TANC1: variants seen among roughly 807,000 people sequenced by gnomAD.
TANC1 encodes protein TANC1.
In TANC1, 77 loss-of-function variants were observed where a neutral mutation model predicts 149.7. The ratio of observed to expected loss-of-function variants is 0.51; its 90% CI spans 0.43 to 0.62. TANC1 has a LOEUF of 0.62. Among genes scored for constraint, TANC1 ranks in the 20% least tolerant of loss-of-function variants. The probability of loss-of-function intolerance (pLI) is 0.00; values close to 1 mark genes in which losing one functional copy is unlikely to be tolerated. For synonymous variants in TANC1, 854 were observed against 925.0 expected, an observed-to-expected ratio of 0.92 and a Z score of 1.39; for missense variants, 1,985 against 2,321.8, an observed-to-expected ratio of 0.85 and a Z score of 2.98.
chr2:159,071,775 A>T (rs999840452), intron 3 of TANC1, among the ~76,000 whole-genome samples: 4 of 152,182 alleles, frequency 2.6e-5, no homozygotes, highest in African/African-American at 9.7e-5. Context: ...CTATTTAGGA[A>T]TTTAGTGCAG....
Position 159,196,615 on chromosome 2 carries a change from A to G in TANC1, c.2987A>G (p.His996Arg), listed in dbSNP as rs768772022. The change falls in exon 18 of 27, where the codon CAC becomes CGC. Residue 996 changes from histidine to arginine, a missense_variant. Coordinates refer to ENST00000263635, the MANE Select transcript of TANC1 (RefSeq NM_033394.3). ...CCCTACTCCTGCCCCCAGGTGGACC[A>G]CTTGGATAAGAAGGGCCAGTGTGCG... is the stretch of plus-strand genomic sequence containing the variant. Reference protein sequence around the residue: ...LLTKKGVRVDHLDKKGQCALV... With the variant: ...LLTKKGVRVDRLDKKGQCALV... 5 of 1,598,200 alleles carry G rather than the reference A, an allele frequency of 3.1e-6. No homozygotes were observed. The Admixed American group carries it at 8.7e-5, about 28-fold the overall frequency.
At position 159,187,029 on chromosome 2, in the gene TANC1, G is replaced by T. The variant is rs377444898; in HGVS notation, c.2742+5G>T. On this transcript the variant is annotated splice_donor_5th_base_variant and intron_variant, in intron 16 of 26. Coordinates refer to ENST00000263635, the MANE Select transcript of TANC1 (RefSeq NM_033394.3). ...CTCTATACTCCCAACGTGAAGGTGA[G>T]CAACCTTCTGCACAGAGAGCCGGAG... 1 of 1,613,894 alleles carries T rather than the reference G, an allele frequency of 6.2e-7. No individual in the cohort carries two copies. The highest frequency in any genetic ancestry group is 8.5e-7 in the Non-Finnish European group (1 of 1,179,978).
At chr2:159,115,431 A>G (rs1322984097) in intron 4 of TANC1, among the ~76,000 whole-genome samples, 1 of 152,156 alleles carries the variant, frequency 6.6e-6, no homozygotes, top group Non-Finnish European at 1.5e-5. Context: ...TTGATTTGAA[A>G]AAGTTTTAGG....
chr2:159,083,645 T>C (rs1299088860), intron 3 of TANC1, among the ~76,000 whole-genome samples: 1 of 152,214 alleles, frequency 6.6e-6, no homozygotes, highest in Non-Finnish European at 1.5e-5. Flanking sequence ...GAACGTAATT[T>C]TGATGCTTAA....
At chr2:159,084,077 C>A (rs11675548) in intron 3 of TANC1, among the ~76,000 whole-genome samples, 32,039 of 152,044 alleles carry the variant, frequency 0.21, 3,595 homozygotes, top group South Asian at 0.36. Flanking sequence ...TGGCGAAACC[C>A]CCTCTCCACT....
chr2:159,001,295 C>T lies in TANC1; in HGVS notation c.-16+106C>T, dbSNP rs16843538. On this transcript the variant is annotated intron_variant, in intron 2 of 26. Transcript: ENST00000263635. The surrounding 1 kb of genome is among the most constrained non-coding windows in gnomAD (Gnocchi z 4.3). ...GTTAGAAGAGAGATGGCCTGTAGAA[C>T]GTCCAGTCTTTCCACCTGCCCAGAG... 0.052 allele frequency: 7,905 copies of T among 152,268 alleles called. 650 individuals carry two copies. Among genetic ancestry groups the T allele is most frequent in the African/African-American group, 0.18 (7,334 of 41,486 alleles). The allele number at this position is 152,268 out of a possible 1,614,324, so 9.4% of individuals were successfully genotyped here.
At chr2:159,192,334 A>G (rs1398251929) in intron 16 of TANC1, among the ~76,000 whole-genome samples, 3 of 152,188 alleles carry the variant, frequency 2.0e-5, no homozygotes, top group African/African-American at 7.2e-5. Context: ...TTTTTTATAG[A>G]GACGGGGTCT....
rs199831325 is a variant in TANC1, at chr2:159,178,964, G to A, written c.2311G>A (p.Glu771Lys). Residue 771 changes from glutamate (E) to lysine (K), a missense_variant, in exon 14 of 27, where the codon GAG (glutamate) becomes AAG (lysine). Physicochemically the swap from Glu to Lys is moderately conservative, Grantham distance 56 (BLOSUM62 1). Around this residue, in one of 3 missense-constraint regions of TANC1, gnomAD observed 508 missense variants for 714.2 expected, o/e 0.71. Transcript: ENST00000263635. Reference protein sequence around the residue: ...ALASLHPMTDEQIFQAINAGH... With the variant: ...ALASLHPMTDKQIFQAINAGH... ...CGCATCCCTCCACCCCATGACAGACGAGCAGATCTTTCAGGCTATTAATGC... is the reference window on the plus strand; with the variant it reads ...CGCATCCCTCCACCCCATGACAGACAAGCAGATCTTTCAGGCTATTAATGC... 3.3e-5 allele frequency: 54 copies of A among 1,614,116 alleles called. No homozygotes were observed. The African/African-American group carries it at 4.8e-4, about 14-fold the overall frequency.
intron 4 of TANC1, among the ~76,000 whole-genome samples, chr2:159,133,971 G>A (rs1214740125): frequency 6.6e-6 from 1 of 152,202 alleles, no homozygotes; most frequent in Non-Finnish European, 1.5e-5. Flanking sequence ...TGCTTTTGTA[G>A]TATGCCTTTA....
rs557344819 is a variant in TANC1 at position 158,977,140 on chromosome 2, T to C, written c.-126+8358T>C. ...TGAGCTTCAATACGTTTTTAAAATT[T>C]TTTACTTTTTATTTTTTTAGAGGGA... On this transcript the variant is annotated intron_variant, in intron 1 of 26. Transcript: ENST00000263635. Among the ~76,000 whole-genome samples, 65 of 152,138 alleles carry C rather than the reference T, an allele frequency of 4.3e-4. 1 individual carries two copies. Among genetic ancestry groups the C allele is most frequent in the African/African-American group, 1.5e-3 (62 of 41,528 alleles).
chr2:159,073,204 T>G (rs2043311018), intron 3 of TANC1, among the ~76,000 whole-genome samples: 1 of 152,206 alleles, frequency 6.6e-6, no homozygotes, highest in Admixed American at 6.5e-5. Flanking sequence ...TGGAGGGCCC[T>G]TGTCCCCCGA....
At position 159,091,105 on chromosome 2, in the gene TANC1, C is replaced by T. The variant is rs193197024; in HGVS notation, c.62-6532C>T. 1.4e-3 allele frequency among the ~76,000 whole-genome samples: 219 copies of T among 151,984 alleles called. 3 individuals are homozygous for T. Among genetic ancestry groups the T allele is most frequent in the Non-Finnish European group, 2.5e-3 (168 of 67,972 alleles). On this transcript the variant is annotated intron_variant, in intron 3 of 26. Transcript: ENST00000263635. ...CCTACATATACTATTTTTGGTTTTC[C>T]TTCTTAAGTATGCAAAATGACATAA... is the stretch of plus-strand genomic sequence containing the variant.
chr2:159,215,347 A>G (rs1052062749), intron 19 of TANC1, among the ~76,000 whole-genome samples: 2 of 152,100 alleles, frequency 1.3e-5, no homozygotes, highest in African/African-American at 4.8e-5. Flanking sequence ...GTCGGTAGAG[A>G]CTGTTCAGTA....
At chr2:158,986,713 C>T (rs1268827558) in intron 1 of TANC1, among the ~76,000 whole-genome samples, 1 of 152,124 alleles carries the variant, frequency 6.6e-6, no homozygotes, top group East Asian at 1.9e-4. Context: ...TTTGATAACT[C>T]CTCAAAGAAT....
At chr2:159,214,912 G>T (rs2059248025) in intron 19 of TANC1, among the ~76,000 whole-genome samples, 1 of 152,184 alleles carries the variant, frequency 6.6e-6, no homozygotes, top group Admixed American at 6.5e-5. Context: ...CCATCATCTG[G>T]GTGGTGAGGA....
intron 14 of TANC1, among the ~76,000 whole-genome samples, chr2:159,184,777 A>G (rs1369148742): frequency 1.3e-5 from 2 of 152,146 alleles, no homozygotes; most frequent in Admixed American, 1.3e-4. Context: ...GCTCGTGGGA[A>G]AACTTCAGGC....
At chr2:158,982,159 A>G (rs1298508123) in intron 1 of TANC1, among the ~76,000 whole-genome samples, 1 of 152,330 alleles carries the variant, frequency 6.6e-6, no homozygotes, top group East Asian at 1.9e-4. Context: ...GGTAGCTGTC[A>G]TAAGCAGCTC....
At chr2:159,034,975 G>T (rs1006954085) in intron 2 of TANC1, among the ~76,000 whole-genome samples, 1 of 152,188 alleles carries the variant, frequency 6.6e-6, no homozygotes, top group Admixed American at 6.5e-5. Context: ...ACAGCTGGAG[G>T]ATTTGGACCG....
intron 4 of TANC1, among the ~76,000 whole-genome samples, chr2:159,128,514 A>G (rs1396938624): frequency 6.6e-6 from 1 of 152,186 alleles, no homozygotes; most frequent in Non-Finnish European, 1.5e-5. Context: ...AAGGTTTTCC[A>G]GCTTGGTCAG....
Sources: allele counts gnomAD v4.1 joint callset (sites outside exome capture counted in the v4.1 genomes callset), GRCh38; gene constraint gnomAD v4.1.1; regional missense constraint gnomAD v4.1.1; non-coding constraint Gnocchi (gnomAD v3.1); transcripts MANE v1.5; gene names NCBI Gene and HGNC (gene_info 2026-07-23, HGNC 2026-07-21).